The following RBMS3 variants were observed in gnomAD, a reference collection of about 807,000 sequenced individuals.
RBMS3 encodes the protein RNA binding motif single stranded interacting protein 3.
A neutral mutation model predicts 66.8 loss-of-function variants in RBMS3; 27 were observed. That is an observed-to-expected ratio of 0.40 (90% confidence interval 0.30 to 0.56). The LOEUF (loss-of-function observed/expected upper bound fraction) is 0.56. Among genes scored for constraint, RBMS3 ranks in the 20% least tolerant of loss-of-function variants. The pLI is 0.40. For missense variants in RBMS3, 513 were observed against 549.5 expected, an observed-to-expected ratio of 0.93 and a Z score of 0.66; for synonymous variants, 188 against 183.0, an observed-to-expected ratio of 1.03 and a Z score of -0.22.
chr3:29,729,194 A>G (rs1338157462), intron 4 of RBMS3, among the ~76,000 whole-genome samples: 3 of 119,804 alleles, frequency 2.5e-5, no homozygotes, highest in Non-Finnish European at 4.8e-5. Context: ...CCCTGTGTCC[A>G]AGTGATCTCA....
intron 3 of RBMS3, among the ~76,000 whole-genome samples, chr3:29,517,319 ATTTTT>A (rs140882570): frequency 0.056 from 7,218 of 129,476 alleles, 254 homozygotes; most frequent in South Asian, 0.11. Context: ...ATATATATAT[ATTTTT>A]TTTTTGTTTT....
intron 4 of RBMS3, among the ~76,000 whole-genome samples, chr3:29,600,706 G>A (rs1208419560): frequency 6.6e-6 from 1 of 152,020 alleles, no homozygotes. Context: ...CAGTGTAGTA[G>A]CTTGAAAATT....
chr3:29,780,626 T>C (rs2056597747), intron 6 of RBMS3, among the ~76,000 whole-genome samples: 1 of 152,138 alleles, frequency 6.6e-6, no homozygotes, highest in Non-Finnish European at 1.5e-5. Flanking sequence ...TTGAATATTT[T>C]CCCAAAAACC....
intron 3 of RBMS3, among the ~76,000 whole-genome samples, chr3:29,565,934 T>G (rs2046726208): frequency 6.6e-6 from 1 of 152,112 alleles, no homozygotes; most frequent in African/African-American, 2.4e-5. Flanking sequence ...TGATGCTCCT[T>G]AAATTATAAT....
chr3:29,384,933 A>T (rs1271593421), intron 1 of RBMS3, among the ~76,000 whole-genome samples: 1 of 152,058 alleles, frequency 6.6e-6, no homozygotes, highest in African/African-American at 2.4e-5. Flanking sequence ...CAGCTGTCCA[A>T]GTCAGTGCTT....
At chr3:29,896,320 TTGGA>T (rs1445108089) in intron 8 of RBMS3, among the ~76,000 whole-genome samples, 1 of 151,270 alleles carries the variant, frequency 6.6e-6, no homozygotes, top group East Asian at 1.9e-4. Flanking sequence ...ACCCCTGAGG[TTGGA>T]TGAAGTCTTT....
In RBMS3 at chr3:29,729,558, G is replaced by A. The variant is rs558413911; in HGVS notation, c.400-10162G>A. On this transcript the variant is annotated intron_variant, in intron 4 of 14. Transcript: ENST00000383767. ...TCTAGTTCTAGATGCTTGAGGAATC[G>A]CCACACTGTCTTCTACAATGGTTGA... 3.3e-5 allele frequency among the ~76,000 whole-genome samples: 5 copies of A among 152,144 alleles called. No homozygotes were observed. In the East Asian group the frequency reaches 5.8e-4, roughly 18 times the overall value.
intron 7 of RBMS3, among the ~76,000 whole-genome samples, chr3:29,878,084 T>C (rs1230627675): frequency 3.3e-5 from 5 of 152,080 alleles, no homozygotes; most frequent in Non-Finnish European, 5.9e-5. Flanking sequence ...ATTAGTTAGA[T>C]TCTCAAAAGG....
rs549348077 is a variant in RBMS3, at chr3:29,932,093, T to C, written c.940-3993T>C. On this transcript the variant is annotated intron_variant, in intron 10 of 14. Transcript: ENST00000383767. Reference sequence around the variant, plus strand: ...AATGCAAGGCTACTAAGATTCCAAATATGAAGGATTCCCAATGTGTTATAA... The same window carrying C: ...AATGCAAGGCTACTAAGATTCCAAACATGAAGGATTCCCAATGTGTTATAA... Among the ~76,000 whole-genome samples the C allele has an allele frequency of 3.7e-4, 57 of 152,284 alleles. 1 individual carries two copies. Among genetic ancestry groups the C allele is most frequent in the African/African-American group, 1.3e-3 (56 of 41,570 alleles).
chr3:29,397,332 T>C (rs368952109), intron 1 of RBMS3, among the ~76,000 whole-genome samples: 124 of 152,310 alleles, frequency 8.1e-4, no homozygotes, highest in African/African-American at 2.8e-3. Flanking sequence ...TAGTCTATGA[T>C]TGAATTTATT....
rs571920112 is a variant in RBMS3 at position 29,855,001 on chromosome 3, C to T, written c.638-13857C>T. ...CTAAAAATAATAATTTTTGCATGTGCCTCAATAATGTTAATAATATCTAAC... is the reference window on the plus strand; with the variant it reads ...CTAAAAATAATAATTTTTGCATGTGTCTCAATAATGTTAATAATATCTAAC... On this transcript the variant is annotated intron_variant, in intron 6 of 14. Transcript: ENST00000383767. Among the ~76,000 whole-genome samples the T allele has an allele frequency of 2.0e-5, 3 of 152,238 alleles. No individual in the cohort carries two copies. The East Asian group carries it at 5.8e-4, about 29-fold the overall frequency.
At position 29,381,248 on chromosome 3, in the gene RBMS3, A is replaced by T. The variant is rs115538513; in HGVS notation, c.76-53495A>T. ...GTCACTTTCCTGCAATCATTCTTCA[A>T]CACCTCTGGAAATTGTGAGCCTGTA... On this transcript the variant is annotated intron_variant, in intron 1 of 14. Transcript: ENST00000383767. Among the ~76,000 whole-genome samples the T allele has an allele frequency of 1.9e-3, 283 of 152,246 alleles. 1 individual carries two copies. Among genetic ancestry groups the T allele is most frequent in the African/African-American group, 6.3e-3 (260 of 41,568 alleles).
chr3:29,467,870 A>T (rs1031594239), intron 2 of RBMS3, among the ~76,000 whole-genome samples: 1 of 152,232 alleles, frequency 6.6e-6, no homozygotes, highest in Non-Finnish European at 1.5e-5. Flanking sequence ...ATGGAAATAC[A>T]AAGCTAAATT....
intron 1 of RBMS3, among the ~76,000 whole-genome samples, chr3:29,391,584 G>A (rs2039297615): frequency 1.3e-5 from 2 of 152,152 alleles, no homozygotes; most frequent in South Asian, 4.1e-4. Flanking sequence ...TACACTCTTA[G>A]CTATAAGCTG....
intron 6 of RBMS3, among the ~76,000 whole-genome samples, chr3:29,814,721 T>A (rs998348071): frequency 6.6e-6 from 1 of 152,200 alleles, no homozygotes; most frequent in African/African-American, 2.4e-5. Flanking sequence ...AGAGTGTATG[T>A]GTTGAGGAAT....
chr3:29,926,085 A>AT (rs996959684), intron 10 of RBMS3, among the ~76,000 whole-genome samples: 1 of 152,110 alleles, frequency 6.6e-6, no homozygotes, highest in Non-Finnish European at 1.5e-5. Context: ...GGATGCTAAT[A>AT]TATAAGTTTT....
chr3:29,505,436 A>G (rs2044144623), intron 3 of RBMS3, among the ~76,000 whole-genome samples: 2 of 151,180 alleles, frequency 1.3e-5, no homozygotes, highest in South Asian at 4.2e-4. Flanking sequence ...TTATGCCAGT[A>G]CCATACTCTG....
chr3:29,339,850 G>A (rs959610309), intron 1 of RBMS3, among the ~76,000 whole-genome samples: 2 of 152,132 alleles, frequency 1.3e-5, no homozygotes, highest in South Asian at 2.1e-4. Context: ...AAAGTCACAA[G>A]ATGGCACAGA....
At chr3:29,902,026 A>G (rs2060267008) in intron 10 of RBMS3, among the ~76,000 whole-genome samples, 1 of 151,854 alleles carries the variant, frequency 6.6e-6, no homozygotes, top group Admixed American at 6.6e-5. Flanking sequence ...TATTCAAGCC[A>G]TCTTAGACAA....
Sources: gnomAD v4.1 joint callset for allele counts (sites outside exome capture counted in the v4.1 genomes callset) on GRCh38, gnomAD v4.1.1 for gene constraint, MANE v1.5 for transcripts, NCBI Gene and HGNC (gene_info 2026-07-23, HGNC 2026-07-21) for gene names.